TXLNB: variants seen among roughly 807,000 people sequenced by gnomAD.
The protein encoded by TXLNB is taxilin beta, also known as beta-taxilin.
TXLNB carries 37 observed loss-of-function variants against 57.4 expected under a neutral mutation model. The ratio of observed to expected loss-of-function variants is 0.64; its 90% CI spans 0.50 to 0.85. The LOEUF (loss-of-function observed/expected upper bound fraction) is 0.85, where lower values mean the gene tolerates loss of function less well. Ranked by LOEUF, TXLNB falls within the 40% of genes least tolerant of loss-of-function variation. TXLNB has a pLI of 0.00. For synonymous variants in TXLNB, 302 were observed against 309.6 expected, an observed-to-expected ratio of 0.98 and a Z score of 0.26; for missense variants, 848 against 825.6, an observed-to-expected ratio of 1.03 and a Z score of -0.33.
intron 4 of TXLNB, among the ~76,000 whole-genome samples, chr6:139,265,503 A>G (rs1276195998): frequency 6.6e-6 from 1 of 152,146 alleles, no homozygotes; most frequent in Non-Finnish European, 1.5e-5. Context: ...AAAGAAAAGT[A>G]AAAGCTAAAA....
At chr6:139,321,414 T>A in the TXLNB span, among the ~76,000 whole-genome samples, 1 of 152,212 alleles carries the variant, frequency 6.6e-6, no homozygotes, top group Non-Finnish European at 1.5e-5. Context: ...AGATACTGAA[T>A]CTGCTGATGT....
At chr6:139,223,932 C>G in the TXLNB span, among the ~76,000 whole-genome samples, 2 of 150,338 alleles carry the variant, frequency 1.3e-5, no homozygotes, top group African/African-American at 4.9e-5. Context: ...TTGACCCAGC[C>G]ATCCCATTAC....
rs1319202840 is a variant in TXLNB, at chr6:139,288,515, T to C, written c.385A>G (p.Lys129Glu). 5 of 1,614,096 alleles carry C rather than the reference T, an allele frequency of 3.1e-6. No individual in the cohort carries two copies. Among genetic ancestry groups the C allele is most frequent in the Non-Finnish European group, 4.2e-6 (5 of 1,180,044 alleles). ...ATTTTCTTTTCCAATTTTTGCTCCT[T>C]ATTGCTGACGGGCTCTTTGACAGTG... ...PPTVKEPVSN[K>E]EQKLEKKILK... The change falls in exon 2 of 10, where the codon AAG becomes GAG. Residue 129 changes from lysine to glutamate, a missense_variant. By Grantham distance (56) the Lys-to-Glu change is moderately conservative. Transcript: ENST00000358430.
chr6:139,261,409 G>A (rs1219551465), intron 5 of TXLNB, among the ~76,000 whole-genome samples: 1 of 151,944 alleles, frequency 6.6e-6, no homozygotes, highest in Non-Finnish European at 1.5e-5. Context: ...TATGCTGTTG[G>A]CTCAGTTTTG....
chr6:139,224,288 G>A, the TXLNB span, among the ~76,000 whole-genome samples: 1 of 130,112 alleles, frequency 7.7e-6, no homozygotes, highest in African/African-American at 2.9e-5. Context: ...ACACTCTGGG[G>A]ACTATTGTGG....
the TXLNB span, among the ~76,000 whole-genome samples, chr6:139,225,355 G>T: frequency 1.3e-5 from 2 of 152,004 alleles, no homozygotes; most frequent in Non-Finnish European, 2.9e-5. Flanking sequence ...ATTAATAAAA[G>T]AGATAATGAG....
the TXLNB span, among the ~76,000 whole-genome samples, chr6:139,214,260 C>T: frequency 6.6e-6 from 1 of 152,166 alleles, no homozygotes; most frequent in Non-Finnish European, 1.5e-5. Flanking sequence ...TCCAGCAACA[C>T]ATCAAAAAGC....
At chr6:139,208,771 G>T in the TXLNB span, among the ~76,000 whole-genome samples, 1 of 152,138 alleles carries the variant, frequency 6.6e-6, no homozygotes, top group Admixed American at 6.6e-5. Context: ...CAGCAAAATT[G>T]CCATAGAAGG....
At chr6:139,212,595 A>G in the TXLNB span, among the ~76,000 whole-genome samples, 1 of 152,192 alleles carries the variant, frequency 6.6e-6, no homozygotes, top group African/African-American at 2.4e-5. Flanking sequence ...ACCAGCTAAC[A>G]TCATAATGAC....
At chr6:139,294,175 T>C (rs569885717), upstream of TXLNB, among the ~76,000 whole-genome samples, 1 of 152,308 alleles carries the variant, frequency 6.6e-6, no homozygotes, top group East Asian at 1.9e-4. Context: ...GCGACTCAAA[T>C]TAATAACACT....
At chr6:139,306,503 TTTTC>T in the TXLNB span, among the ~76,000 whole-genome samples, 1 of 152,176 alleles carries the variant, frequency 6.6e-6, no homozygotes, top group Non-Finnish European at 1.5e-5. Flanking sequence ...TGAAGACAGT[TTTTC>T]TTTCAGACCC....
At chr6:139,236,645 A>G (rs897672345), downstream of TXLNB, among the ~76,000 whole-genome samples, 1 of 152,076 alleles carries the variant, frequency 6.6e-6, no homozygotes. Context: ...TCCTTTATAA[A>G]TTACTCAGTC....
chr6:139,173,846 T>G, the TXLNB span, among the ~76,000 whole-genome samples: 1 of 152,162 alleles, frequency 6.6e-6, no homozygotes, highest in Non-Finnish European at 1.5e-5. Flanking sequence ...GTTCCTAAAT[T>G]AGATGTGGTG....
the TXLNB span, among the ~76,000 whole-genome samples, chr6:139,172,569 T>A: frequency 2.3e-4 from 35 of 152,360 alleles, no homozygotes; most frequent in Admixed American, 1.6e-3. Context: ...ATGTGATTGT[T>A]CTCTGAAGAA....
At chr6:139,307,674 C>A in the TXLNB span, among the ~76,000 whole-genome samples, 2 of 152,108 alleles carry the variant, frequency 1.3e-5, no homozygotes, top group East Asian at 1.9e-4. Context: ...CCTTATTATA[C>A]CCATTCATTT....
downstream of TXLNB, chr6:139,239,324 A>G (rs912238994): frequency 2.1e-4 from 32 of 152,126 alleles, no homozygotes; most frequent in African/African-American, 7.7e-4. The surrounding 1 kb of genome is among the most constrained non-coding windows in gnomAD (Gnocchi z 4.7). Context: ...GACGCACGGC[A>G]GAGAAGCCTG....
chr6:139,215,230 C>T, the TXLNB span, among the ~76,000 whole-genome samples: 13 of 147,536 alleles, frequency 8.8e-5, no homozygotes, highest in East Asian at 6.0e-4. Context: ...TCAAACTATA[C>T]GACAAGGCTA....
At chr6:139,203,967 A>T in the TXLNB span, among the ~76,000 whole-genome samples, 1 of 152,322 alleles carries the variant, frequency 6.6e-6, no homozygotes, top group Admixed American at 6.5e-5. Flanking sequence ...TTTAGAGCAA[A>T]CTGTGCTTCT....
In TXLNB at chr6:139,247,839, G is replaced by A. The variant is rs138406859; in HGVS notation, c.1148C>T (p.Thr383Met). 8 of 1,604,060 alleles carry A rather than the reference G, an allele frequency of 5.0e-6. No individual in the cohort carries two copies. Among genetic ancestry groups the A allele is most frequent in the African/African-American group, 2.7e-5 (2 of 74,366 alleles). ...TLTKSNEVFATFKQEMDKTTK... is the reference protein window; with the variant it reads ...TLTKSNEVFAMFKQEMDKTTK... ...CACTTTGTCCATTTCCTGTTTGAAC[G>A]TGGCAAACACCTCGTTGCTTTTAGT... Residue 383 changes from threonine (T) to methionine (M), a missense_variant, in exon 8 of 10, where the codon ACG becomes ATG. Physicochemically the swap from Thr to Met is moderately conservative, Grantham distance 81. Transcript: ENST00000358430.
Sources: allele counts gnomAD v4.1 joint callset (sites outside exome capture counted in the v4.1 genomes callset), GRCh38; gene constraint gnomAD v4.1.1; non-coding constraint Gnocchi (gnomAD v3.1); transcripts MANE v1.5; gene names NCBI Gene and HGNC (gene_info 2026-07-23, HGNC 2026-07-21).